C7: variants seen among roughly 807,000 people sequenced by gnomAD.
C7 encodes complement C7.
A neutral mutation model predicts 104.8 loss-of-function variants in C7; 83 were observed. The observed-to-expected ratio is 0.79, with a 90% CI of 0.66 to 0.95. The LOEUF (loss-of-function observed/expected upper bound fraction) is 0.95. Among genes scored for constraint, C7 ranks in the 40% least tolerant of loss-of-function variants. C7 has a pLI of 0.00. For missense variants in C7, 1,070 were observed against 1,011.2 expected, an observed-to-expected ratio of 1.06 and a Z score of -0.79; for synonymous variants, 415 against 360.6, an observed-to-expected ratio of 1.15 and a Z score of -1.71.
At chr5:40,966,376 C>CT (rs543978425) in intron 14 of C7, among the ~76,000 whole-genome samples, 4,259 of 144,586 alleles carry the variant, frequency 0.029, 199 homozygotes, top group African/African-American at 0.095. Flanking sequence ...GGTTTTCTTT[C>CT]TTTTTTTTTT....
intron 13 of C7, 71 bp downstream of exon 13, chr5:40,962,243 A>G: frequency 1.1e-6 from 1 of 880,892 alleles, no homozygotes; most frequent in Non-Finnish European, 1.7e-6. Context: ...CCCATAACCT[A>G]TTTTCTTCCT....
At chr5:40,978,014 G>C (rs1172128566) in intron 16 of C7, among the ~76,000 whole-genome samples, 6 of 151,780 alleles carry the variant, frequency 4.0e-5, no homozygotes, top group African/African-American at 1.2e-4. Flanking sequence ...CACTCTTGTA[G>C]TCCCAGCTAC....
At chr5:40,964,939 A>G in intron 14 of C7, 66 bp downstream of exon 14, 1 of 1,560,038 alleles carries the variant, frequency 6.4e-7, no homozygotes, top group Middle Eastern at 1.7e-4. Flanking sequence ...GAATCAAGAT[A>G]AATAACACTC....
At chr5:40,962,610 A>G (rs968005831) in intron 13 of C7, among the ~76,000 whole-genome samples, 7 of 152,146 alleles carry the variant, frequency 4.6e-5, no homozygotes, top group Non-Finnish European at 1.0e-4. Context: ...AGTTAGCTAG[A>G]GTCTAGTGAG....
intron 9 of C7, among the ~76,000 whole-genome samples, chr5:40,953,372 G>A (rs1740217882): frequency 6.6e-6 from 1 of 152,258 alleles, no homozygotes; most frequent in East Asian, 1.9e-4. Context: ...ACTAGGCGTG[G>A]TGGCTCAGGC....
chr5:40,958,472 C>T lies in C7; in HGVS notation c.1489+211C>T, dbSNP rs140032187. Among the ~76,000 whole-genome samples, 848 of 152,254 alleles carry T rather than the reference C, an allele frequency of 5.6e-3. 5 individuals are homozygous for T. The highest frequency in any genetic ancestry group is 0.018 in the African/African-American group (741 of 41,534). ...ATTTATCCATCTGAAGTAACAGCCC[C>T]ACTGTGCCCTCCACTTCCCATTCTC... is the stretch of plus-strand genomic sequence containing the variant. On this transcript the variant is annotated intron_variant, in intron 11 of 17. Transcript: ENST00000313164.
At chr5:40,950,049 T>G in intron 9 of C7, 35 bp downstream of exon 9, 3 of 1,257,788 alleles carry the variant, frequency 2.4e-6, no homozygotes, top group Non-Finnish European at 2.2e-6. Context: ...ATTGCAAGCT[T>G]AACTTCTTTT....
chr5:40,970,247 G>C (rs1740670055), intron 14 of C7, among the ~76,000 whole-genome samples: 1 of 152,040 alleles, frequency 6.6e-6, no homozygotes, highest in African/African-American at 2.4e-5. Flanking sequence ...TGAATGAATG[G>C]GTTTTCTGAT....
intron 13 of C7, among the ~76,000 whole-genome samples, chr5:40,963,619 G>A (rs1740467827): frequency 6.6e-6 from 1 of 152,120 alleles, no homozygotes; most frequent in Admixed American, 6.6e-5. Context: ...CAAGGCCTGA[G>A]CTCCAAGCCC....
intron 1 of C7, among the ~76,000 whole-genome samples, chr5:40,921,283 T>TA (rs1739432754): frequency 6.6e-6 from 1 of 151,926 alleles, no homozygotes; most frequent in South Asian, 2.1e-4. Context: ...AAAAATACTA[T>TA]AAAACACTGA....
chr5:40,944,674 CCTTT>C (rs1484327663), intron 6 of C7, among the ~76,000 whole-genome samples: 5 of 152,046 alleles, frequency 3.3e-5, no homozygotes, highest in African/African-American at 4.8e-5. Flanking sequence ...TTGGGGTGAC[CCTTT>C]CTTCTATCTA....
chr5:40,971,220 T>C, intron 14 of C7, among the ~76,000 whole-genome samples: 1 of 152,226 alleles, frequency 6.6e-6, no homozygotes, highest in East Asian at 1.9e-4. Flanking sequence ...AAAGCGTTCC[T>C]ATTTCTCCAC....
chr5:40,930,986 G>T, intron 2 of C7, 78 bp from the exon 3 acceptor site: 1 of 957,450 alleles, frequency 1.0e-6, no homozygotes, highest in Non-Finnish European at 1.7e-6. Context: ...AACTATTTTT[G>T]ACTGTTTTCA....
At chr5:40,912,360 A>C (rs1348718249) in intron 1 of C7, among the ~76,000 whole-genome samples, 1 of 152,194 alleles carries the variant, frequency 6.6e-6, no homozygotes. Context: ...CTAAAATTTC[A>C]TTGAAATTCT....
chr5:40,956,526 A>G (rs1157687605), intron 10 of C7, among the ~76,000 whole-genome samples: 2 of 152,228 alleles, frequency 1.3e-5, no homozygotes, highest in Non-Finnish European at 2.9e-5. Context: ...TTTCATGTGG[A>G]CATAGTTGTA....
chr5:40,937,502 G>C (rs752040585), intron 5 of C7, 50 bp from the exon 6 acceptor site: 3 of 1,545,870 alleles, frequency 1.9e-6, no homozygotes, highest in Non-Finnish European at 2.6e-6. Context: ...GCTATTTCTG[G>C]TTTTTAACGG....
At chr5:40,923,172 T>C (rs1421562375) in intron 1 of C7, among the ~76,000 whole-genome samples, 8 of 152,168 alleles carry the variant, frequency 5.3e-5, no homozygotes, top group South Asian at 2.1e-4. Context: ...ATGCTCTGAA[T>C]AGACATTTTT....
chr5:40,960,259 A>G (rs565993109), intron 12 of C7, among the ~76,000 whole-genome samples: 2 of 152,160 alleles, frequency 1.3e-5, no homozygotes, highest in Admixed American at 1.3e-4. Context: ...ACTGTTTTAC[A>G]TTGTCCTTAG....
Position 40,981,621 on chromosome 5 carries a change from G to A in C7, c.*48G>A, listed in dbSNP as rs1312385759. The A allele has an allele frequency of 1.3e-6, 2 of 1,519,006 alleles. No individual in the cohort carries two copies. Among genetic ancestry groups the A allele is most frequent in the East Asian group, 2.3e-5 (1 of 43,338 alleles). The allele number at this position is 1,519,006 out of a possible 1,614,324, so 94.1% of individuals were successfully genotyped here. On this transcript the variant is annotated 3_prime_UTR_variant, in exon 18 of 18. Coordinates refer to ENST00000313164, the MANE Select transcript of C7 (RefSeq NM_000587.4). ...TTGCTTGGAATCCAGCAGGCAGCTG[G>A]GGCTGAGTGAAAACATCTGCACAAC...
Sources: allele counts gnomAD v4.1 joint callset (sites outside exome capture counted in the v4.1 genomes callset), GRCh38; gene constraint gnomAD v4.1.1; transcripts MANE v1.5; gene names NCBI Gene and HGNC (gene_info 2026-07-23, HGNC 2026-07-21).